Variants in TENM2 observed in about 807,000 individuals in gnomAD.
TENM2 encodes teneurin-2.
A neutral mutation model predicts 245.2 loss-of-function variants in TENM2; 52 were observed. That is an observed-to-expected ratio of 0.21 (90% CI 0.17 to 0.27). TENM2 has a LOEUF of 0.27. TENM2 is among the 10% of genes least tolerant of loss of function. The pLI is 1.00. For synonymous variants in TENM2, 1,363 were observed against 1,438.9 expected (o/e 0.95, Z 1.19); for missense variants, 3,046 against 3,666.8 (o/e 0.83, Z 4.37).
intron 2 of TENM2, among the ~76,000 whole-genome samples, chr5:167,696,567 T>C (rs1336845556): frequency 6.6e-6 from 1 of 152,216 alleles, no homozygotes; most frequent in Non-Finnish European, 1.5e-5. Context: ...CTTTTCTTTG[T>C]ATGAAAATAC....
intron 6 of TENM2, among the ~76,000 whole-genome samples, chr5:168,061,386 C>T (rs865883643): frequency 3.9e-4 from 60 of 152,224 alleles, no homozygotes; most frequent in African/African-American, 1.3e-3. Flanking sequence ...TTAAGAACTC[C>T]ACTTTAAAAA....
intron 2 of TENM2, among the ~76,000 whole-genome samples, chr5:167,868,721 T>C (rs1396790304): frequency 7.7e-6 from 1 of 129,044 alleles, no homozygotes; most frequent in Non-Finnish European, 1.6e-5. Flanking sequence ...GAGTGACAGA[T>C]AGTGAGATTC....
the TENM2 span, among the ~76,000 whole-genome samples, chr5:167,086,921 ACACACACGC>A: frequency 8.8e-6 from 1 of 114,148 alleles, no homozygotes; most frequent in South Asian, 2.6e-4. Context: ...AAACTCTAAC[ACACACACGC>A]ACACACACAC....
chr5:168,234,245 C>A (rs1466178281), intron 25 of TENM2, among the ~76,000 whole-genome samples: 1 of 152,078 alleles, frequency 6.6e-6, no homozygotes, highest in African/African-American at 2.4e-5. Flanking sequence ...GAAGGTATCT[C>A]CCCCAGCATT....
chr5:167,103,156 A>T, the TENM2 span, among the ~76,000 whole-genome samples: 1 of 152,238 alleles, frequency 6.6e-6, no homozygotes, highest in African/African-American at 2.4e-5. Flanking sequence ...CCCATGGCTG[A>T]TAAGAGCTTG....
intron 2 of TENM2, among the ~76,000 whole-genome samples, chr5:167,498,481 G>A (rs1467858059): frequency 1.3e-5 from 2 of 152,084 alleles, no homozygotes; most frequent in Admixed American, 6.6e-5. Flanking sequence ...TTTCAGGGAT[G>A]ACCCTGCTCA....
the TENM2 span, among the ~76,000 whole-genome samples, chr5:167,231,363 G>C: frequency 6.6e-6 from 1 of 152,204 alleles, no homozygotes. Context: ...TGACCAAAAT[G>C]CTGGTAGTGA....
chr5:167,183,712 A>C, the TENM2 span, among the ~76,000 whole-genome samples: 2 of 152,124 alleles, frequency 1.3e-5, no homozygotes, highest in Admixed American at 1.3e-4. Flanking sequence ...TATGTATTTT[A>C]TATATTAATG....
intron 9 of TENM2, among the ~76,000 whole-genome samples, chr5:168,099,992 T>C (rs1022379885): frequency 2.0e-5 from 3 of 152,230 alleles, no homozygotes; most frequent in African/African-American, 7.2e-5. Context: ...GTAGCAATTG[T>C]GAATGGGAGT....
At chr5:167,432,497 G>C (rs1227416776) in intron 2 of TENM2, among the ~76,000 whole-genome samples, 1 of 151,756 alleles carries the variant, frequency 6.6e-6, no homozygotes, top group African/African-American at 2.4e-5. Flanking sequence ...TCTCTTTGAA[G>C]AAATCTTGCA....
chr5:168,098,017 C>G lies in TENM2; in HGVS notation c.1712-9C>G, dbSNP rs1793508364. 6.2e-7 allele frequency: 1 copy of G among 1,605,286 alleles called. No individual in the cohort carries two copies. The highest frequency in any genetic ancestry group is 8.5e-7 in the Non-Finnish European group (1 of 1,172,994). On this transcript the variant is annotated splice_polypyrimidine_tract_variant and intron_variant, in intron 8 of 28. Coordinates refer to ENST00000518659, the Ensembl canonical transcript of TENM2. ...GAAAAGGTAAACACTACATTTATCT[C>G]TTTTTCAGATTCAGTGCAGGACTGT...
chr5:167,482,021 A>G (rs1358306561), intron 2 of TENM2, among the ~76,000 whole-genome samples: 1 of 152,134 alleles, frequency 6.6e-6, no homozygotes, highest in Non-Finnish European at 1.5e-5. Flanking sequence ...AAATTATGAG[A>G]TGGTATTTTA....
chr5:167,492,453 C>A (rs147263744), intron 2 of TENM2, among the ~76,000 whole-genome samples: 1 of 151,908 alleles, frequency 6.6e-6, no homozygotes, highest in Non-Finnish European at 1.5e-5. Context: ...AGACTTTCCA[C>A]GAAGAATCAA....
intron 2 of TENM2, among the ~76,000 whole-genome samples, chr5:167,408,856 G>C (rs1460865187): frequency 6.7e-6 from 1 of 149,944 alleles, no homozygotes; most frequent in Non-Finnish European, 1.5e-5. Flanking sequence ...ATATGACAGA[G>C]TATCTTACAT....
chr5:167,688,505 A>G (rs1431349359), intron 2 of TENM2, among the ~76,000 whole-genome samples: 2 of 152,142 alleles, frequency 1.3e-5, no homozygotes, highest in African/African-American at 4.8e-5. Context: ...TCATGTACCA[A>G]CTTTGTTTGA....
chr5:167,952,780 A>G (rs1360796622), exon 4 of TENM2: 4 of 1,571,548 alleles, frequency 2.5e-6, no homozygotes, highest in Non-Finnish European at 3.5e-6. Context: ...GTTCAGCTTC[A>G]GGACAGCTGG....
At chr5:167,933,832 G>A (rs964283880) in intron 3 of TENM2, among the ~76,000 whole-genome samples, 3 of 152,078 alleles carry the variant, frequency 2.0e-5, no homozygotes, top group Non-Finnish European at 4.4e-5. Flanking sequence ...ACCCCGGTAT[G>A]GTCACTGTGA....
intron 2 of TENM2, among the ~76,000 whole-genome samples, chr5:167,796,283 G>A (rs917121278): frequency 8.5e-5 from 13 of 152,054 alleles, no homozygotes; most frequent in Admixed American, 4.6e-4. Context: ...CACCTTTTAT[G>A]CAATTGTTCT....
chr5:167,555,314 A>G (rs1328871283), intron 2 of TENM2, among the ~76,000 whole-genome samples: 1 of 152,176 alleles, frequency 6.6e-6, no homozygotes, highest in Non-Finnish European at 1.5e-5. Flanking sequence ...AGAAATACTG[A>G]CCAACTGCAC....
Sources: gnomAD v4.1 joint callset for allele counts (sites outside exome capture counted in the v4.1 genomes callset) on GRCh38, gnomAD v4.1.1 for gene constraint, MANE v1.5 for transcripts, NCBI Gene and HGNC (gene_info 2026-07-23, HGNC 2026-07-21) for gene names.